RNF145: variants seen among roughly 807,000 people sequenced by gnomAD.
RNF145 encodes ring finger protein 145.
In RNF145, 12 loss-of-function variants were observed where a neutral mutation model predicts 57.3. That is an observed-to-expected ratio of 0.21 (90% CI 0.13 to 0.34). RNF145 has a LOEUF of 0.34. RNF145 is among the 10% of genes least tolerant of loss of function. The pLI, the probability that RNF145 is intolerant of heterozygous loss-of-function variation, is 1.00. For synonymous variants in RNF145, 262 were observed against 288.3 expected, an observed-to-expected ratio of 0.91 and a Z score of 0.92; for missense variants, 429 against 799.0, an observed-to-expected ratio of 0.54 and a Z score of 5.58.
intron 8 of RNF145, among the ~76,000 whole-genome samples, chr5:159,164,582 C>T (rs1784333531): frequency 6.6e-6 from 1 of 152,004 alleles, no homozygotes; most frequent in Admixed American, 6.5e-5. Context: ...TATACATAGA[C>T]ACACATATAT....
chr5:159,161,857 C>CGT (rs986777646), intron 9 of RNF145, among the ~76,000 whole-genome samples: 2 of 152,110 alleles, frequency 1.3e-5, no homozygotes, highest in African/African-American at 4.8e-5. Flanking sequence ...AACAAAAAGC[C>CGT]ACACCGTCAG....
At chr5:159,167,877 A>G (rs1477260409) in intron 8 of RNF145, among the ~76,000 whole-genome samples, 1 of 152,224 alleles carries the variant, frequency 6.6e-6, no homozygotes, top group Non-Finnish European at 1.5e-5. Flanking sequence ...CTGATGTACT[A>G]TAATTAAAAT....
chr5:159,207,516 T>A (rs999405336), intron 1 of RNF145: 9 of 1,541,112 alleles, frequency 5.8e-6, no homozygotes, highest in Non-Finnish European at 7.8e-6. Context: ...AAAAAAAAAA[T>A]TCTACCATCA....
intron 1 of RNF145, 78 bp downstream of exon 1, chr5:159,209,152 AT>A (rs1786014925): frequency 2.5e-6 from 1 of 398,634 alleles, no homozygotes; most frequent in African/African-American, 4.1e-5. Flanking sequence ...CTGCGACGCG[AT>A]GGGGGAGGGG....
intron 8 of RNF145, among the ~76,000 whole-genome samples, chr5:159,165,364 T>C (rs1231635464): frequency 6.6e-6 from 1 of 152,238 alleles, no homozygotes. Flanking sequence ...GTATTACAAA[T>C]TTTAAAATTT....
At chr5:159,183,375 A>G (rs1784956104) in intron 3 of RNF145, among the ~76,000 whole-genome samples, 1 of 152,154 alleles carries the variant, frequency 6.6e-6, no homozygotes, top group African/African-American at 2.4e-5. Flanking sequence ...CTAGTGTGTA[A>G]AGGCCAAAGA....
chr5:159,208,691 G>A (rs905158375), intron 1 of RNF145, among the ~76,000 whole-genome samples: 2 of 152,214 alleles, frequency 1.3e-5, no homozygotes, highest in Admixed American at 1.3e-4. Flanking sequence ...GTAAGACGAA[G>A]GGAAAGAGGG....
In RNF145 at chr5:159,194,701, G is replaced by C. The variant is rs1562071197; in HGVS notation, c.293+15C>G. On this transcript the variant is annotated intron_variant, in intron 3 of 10. Transcript: ENST00000424310. ...AATTCAATCATACATTTCAAAAATGGGGTCATATTCTTACCTGGAAATTTG... is the reference window on the plus strand; with the variant it reads ...AATTCAATCATACATTTCAAAAATGCGGTCATATTCTTACCTGGAAATTTG... 1 of 1,418,398 alleles carries C rather than the reference G, an allele frequency of 7.1e-7. No individual in the cohort carries two copies. Among genetic ancestry groups the C allele is most frequent in the Non-Finnish European group, 9.9e-7 (1 of 1,011,418 alleles). 87.9% of individuals were successfully genotyped at this position (1,418,398 alleles called of 1,614,324 possible). A position where few individuals can be genotyped will look rare whatever the true frequency, so the allele number is the denominator to read the frequency against.
intron 4 of RNF145, among the ~76,000 whole-genome samples, chr5:159,178,599 A>G (rs1470549335): frequency 6.6e-6 from 1 of 152,032 alleles, no homozygotes; most frequent in African/African-American, 2.4e-5. Context: ...TTTGTATTCT[A>G]TCCATATACA....
At chr5:159,164,281 C>T (rs1784324604) in intron 8 of RNF145, among the ~76,000 whole-genome samples, 1 of 151,996 alleles carries the variant, frequency 6.6e-6, no homozygotes, top group Non-Finnish European at 1.5e-5. Context: ...CAAATGTAAA[C>T]TTGTCAGTAG....
chr5:159,182,120 A>T, intron 3 of RNF145, 69 bp from the exon 4 acceptor site: 14 of 921,906 alleles, frequency 1.5e-5, no homozygotes, highest in Non-Finnish European at 2.1e-5. Flanking sequence ...TATGCTTATA[A>T]AAGCATATTA....
intron 3 of RNF145, among the ~76,000 whole-genome samples, chr5:159,186,661 GC>G (rs1785067554): frequency 6.6e-6 from 1 of 152,088 alleles, no homozygotes; most frequent in Admixed American, 6.5e-5. Context: ...TCAGCACTGA[GC>G]TAGCAGTTGA....
intron 2 of RNF145, among the ~76,000 whole-genome samples, chr5:159,199,835 C>CA (rs1785601117): frequency 6.6e-6 from 1 of 152,114 alleles, no homozygotes; most frequent in Admixed American, 6.5e-5. Flanking sequence ...TCCTACACTC[C>CA]AAAAAACAGT....
chr5:159,159,903 C>T (rs1784157877), intron 10 of RNF145, among the ~76,000 whole-genome samples: 1 of 152,164 alleles, frequency 6.6e-6, no homozygotes, highest in Non-Finnish European at 1.5e-5. Context: ...CCAGAAATTC[C>T]TTGCCAAGAA....
At chr5:159,162,425 C>CTTTT (rs201178143) in intron 9 of RNF145, among the ~76,000 whole-genome samples, 14 of 134,586 alleles carry the variant, frequency 1.0e-4, no homozygotes, top group African/African-American at 2.0e-4. Flanking sequence ...GTAATATTTT[C>CTTTT]TTTTTTTTTT....
chr5:159,208,888 G>A (rs1195545489), intron 1 of RNF145, among the ~76,000 whole-genome samples: 1 of 151,550 alleles, frequency 6.6e-6, no homozygotes. Context: ...GAGCGCTCCA[G>A]GCCCTGGGAA....
chr5:159,189,239 A>C (rs1016012182), intron 3 of RNF145, among the ~76,000 whole-genome samples: 20 of 152,106 alleles, frequency 1.3e-4, no homozygotes, highest in Non-Finnish European at 2.8e-4. Flanking sequence ...AGAATATATA[A>C]AGAACTCCTA....
chr5:159,207,218 C>A (rs187386145), intron 1 of RNF145, among the ~76,000 whole-genome samples: 2 of 152,012 alleles, frequency 1.3e-5, no homozygotes, highest in Admixed American at 6.5e-5. Context: ...ATGAAGAAAC[C>A]AAACAAATCG....
In RNF145 at chr5:159,159,060, C is replaced by CT. The variant is rs770079426; in HGVS notation, c.1627-26dup. On this transcript the variant is annotated intron_variant, in intron 10 of 10. Transcript: ENST00000424310. ...CCTAAAAGAGGGGGAAAAAAGATAC[C>CT]TTATAAATGTCTGTTTTCTAGTATC... 38 of 1,580,084 alleles carry CT rather than the reference C, an allele frequency of 2.4e-5. No homozygotes were observed. The South Asian group carries it at 4.3e-4, about 18-fold the overall frequency.
Sources: gnomAD v4.1 joint callset for allele counts (sites outside exome capture counted in the v4.1 genomes callset) on GRCh38, gnomAD v4.1.1 for gene constraint, MANE v1.5 for transcripts, NCBI Gene and HGNC (gene_info 2026-07-23, HGNC 2026-07-21) for gene names.